Variants in SLC39A12 observed in about 807,000 individuals in gnomAD.
The protein encoded by SLC39A12 is solute carrier family 39 member 12.
Under a neutral mutation model 71.1 loss-of-function variants are expected in SLC39A12, and 63 were observed. That is an observed-to-expected ratio of 0.89 (90% confidence interval 0.72 to 1.09). SLC39A12 has a LOEUF of 1.09. Among genes scored for constraint, SLC39A12 ranks in the 50% least tolerant of loss-of-function variants. The pLI, the probability that SLC39A12 is intolerant of heterozygous loss-of-function variation, is 0.00. For synonymous variants in SLC39A12, 351 were observed against 301.3 expected (o/e 1.16, Z -1.71); for missense variants, 892 against 812.6 (o/e 1.10, Z -1.19).
chr10:18,014,816 T>C (rs1836330238), intron 12 of SLC39A12, among the ~76,000 whole-genome samples: 1 of 152,220 alleles, frequency 6.6e-6, no homozygotes. Context: ...CTGCCTTGCT[T>C]GTTAGGACTA....
chr10:18,042,463 G>A (rs796202092), intron 12 of SLC39A12, among the ~76,000 whole-genome samples: 9,054 of 114,162 alleles, frequency 0.079, 47 homozygotes, highest in South Asian at 0.14. Flanking sequence ...TGCCTCAAAA[G>A]AAAAAAAAAA....
At position 17,953,120 on chromosome 10, in the gene SLC39A12, C is replaced by T. The variant is rs115983091; in HGVS notation, c.-86-71C>T. On this transcript the variant is annotated intron_variant, in intron 1 of 12. Coordinates refer to ENST00000377369, the MANE Select transcript of SLC39A12 (RefSeq NM_001145195.2). Reference sequence around the variant, plus strand: ...GTCATTGCAAATCAGCTTAGCCACCCAATTAATGAATCCTTTCAAACATGT... The same window carrying T: ...GTCATTGCAAATCAGCTTAGCCACCTAATTAATGAATCCTTTCAAACATGT... 8.4e-4 allele frequency: 794 copies of T among 943,660 alleles called. 8 individuals are homozygous for T. In the African/African-American group the frequency reaches 0.012, roughly 14 times the overall value. 58.5% of individuals were successfully genotyped at this position (943,660 alleles called of 1,614,324 possible). A position where few individuals can be genotyped will look rare whatever the true frequency, so the allele number is the denominator to read the frequency against.
intron 4 of SLC39A12, among the ~76,000 whole-genome samples, chr10:17,976,775 G>A (rs692570): frequency 0.044 from 6,704 of 152,186 alleles, 254 homozygotes; most frequent in Admixed American, 0.12. Flanking sequence ...GTGTCTGGGT[G>A]TGAATCTTTT....
At chr10:18,028,317 C>A (rs774796263) in intron 12 of SLC39A12, among the ~76,000 whole-genome samples, 1 of 152,190 alleles carries the variant, frequency 6.6e-6, no homozygotes, top group African/African-American at 2.4e-5. Flanking sequence ...ATCTTGGAAG[C>A]ATTGGAGGCT....
In SLC39A12 at chr10:17,993,178, C is replaced by T. The variant is rs1266698510; in HGVS notation, c.1423-3C>T. 1.3e-6 allele frequency: 2 copies of T among 1,547,702 alleles called. No homozygotes were observed. The highest frequency in any genetic ancestry group is 1.4e-5 in the African/African-American group (1 of 72,954). On this transcript the variant is annotated splice_region_variant and splice_polypyrimidine_tract_variant and intron_variant, in intron 8 of 12. Transcript: ENST00000377369. ...ACACTAATTTTAAACCATCCTCATCCAGCAGGGCCTGTCATTGGTTAATGG... is the reference window on the plus strand; with the variant it reads ...ACACTAATTTTAAACCATCCTCATCTAGCAGGGCCTGTCATTGGTTAATGG...
At chr10:18,035,771 T>C (rs1373958808) in intron 12 of SLC39A12, among the ~76,000 whole-genome samples, 1 of 152,202 alleles carries the variant, frequency 6.6e-6, no homozygotes, top group Non-Finnish European at 1.5e-5. Context: ...TTCCCCATCT[T>C]TGTGGTTTTA....
At chr10:18,014,316 C>A in intron 12 of SLC39A12, among the ~76,000 whole-genome samples, 1 of 151,928 alleles carries the variant, frequency 6.6e-6, no homozygotes, top group East Asian at 1.9e-4. Flanking sequence ...TTCAACTTTG[C>A]TAAATTTATA....
At chr10:17,968,911 G>A (rs1172772562) in intron 4 of SLC39A12, among the ~76,000 whole-genome samples, 1 of 151,924 alleles carries the variant, frequency 6.6e-6, no homozygotes, top group Admixed American at 6.6e-5. Context: ...AATTAATTTT[G>A]TTATACCCAT....
Position 17,987,495 on chromosome 10 carries a change from G to A in SLC39A12, c.1113G>A (p.Thr371=), listed in dbSNP as rs762388599. ...TTGACTTAGAATACGGCTACAGCAC[G>A]GTGGCTGTCACCCTTCTCACACTGG... The part of the protein sequence containing the change: ...PTTLEKYGYS[T]VAVTLLTLGS... The change falls in exon 7 of 13, where the codon ACG becomes ACA. Residue 371 remains threonine, a synonymous_variant. Transcript: ENST00000377369. 2.5e-5 allele frequency: 40 copies of A among 1,613,802 alleles called. No individual in the cohort carries two copies. The highest frequency in any genetic ancestry group is 6.7e-5 in the African/African-American group (5 of 74,922).
rs376852557 is a variant in SLC39A12 at position 18,030,002 on chromosome 10, C to T, written c.1948-12703C>T. On this transcript the variant is annotated intron_variant, in intron 12 of 12. Transcript: ENST00000377369. ...GCTGTTGGAAAGACTTTCTGTAGGA[C>T]TCTCTGGTATTTGGTATCCAAGAGA... 4.6e-5 allele frequency among the ~76,000 whole-genome samples: 7 copies of T among 151,264 alleles called. 1 individual carries two copies. Among genetic ancestry groups the T allele is most frequent in the African/African-American group, 1.7e-4 (7 of 41,252 alleles).
At chr10:17,978,728 A>C (rs971895786) in intron 5 of SLC39A12, among the ~76,000 whole-genome samples, 31 of 152,252 alleles carry the variant, frequency 2.0e-4, no homozygotes, top group African/African-American at 7.5e-4. Context: ...TGCAAAACAC[A>C]CACAACAACC....
intron 6 of SLC39A12, among the ~76,000 whole-genome samples, chr10:17,983,123 A>G (rs1305234677): frequency 7.3e-6 from 1 of 136,308 alleles, no homozygotes; most frequent in South Asian, 2.6e-4. Context: ...AGCCGAGGTC[A>G]GCACCACTGC....
intron 9 of SLC39A12, among the ~76,000 whole-genome samples, chr10:17,993,760 T>G (rs1430779016): frequency 6.6e-6 from 1 of 152,246 alleles, no homozygotes; most frequent in Non-Finnish European, 1.5e-5. Context: ...TGTGCCTTTA[T>G]TCTACTAAAT....
chr10:17,973,330 G>GT (rs1330345458), intron 4 of SLC39A12, among the ~76,000 whole-genome samples: 3 of 152,146 alleles, frequency 2.0e-5, no homozygotes, highest in East Asian at 3.9e-4. Flanking sequence ...TTACTAGTGA[G>GT]TTTTTTACCT....
chr10:18,036,712 T>C (rs1224238175), intron 12 of SLC39A12, among the ~76,000 whole-genome samples: 3 of 146,698 alleles, frequency 2.0e-5, no homozygotes, highest in African/African-American at 5.0e-5. Context: ...CTAATAACTA[T>C]ATCATTGGCA....
At chr10:18,038,315 A>C (rs1327175208) in intron 12 of SLC39A12, among the ~76,000 whole-genome samples, 2 of 152,142 alleles carry the variant, frequency 1.3e-5, no homozygotes, top group Non-Finnish European at 2.9e-5. Flanking sequence ...TCCTCCAAGC[A>C]AGCAGCAGGT....
At chr10:17,972,494 T>C (rs891427625) in intron 4 of SLC39A12, among the ~76,000 whole-genome samples, 1 of 152,188 alleles carries the variant, frequency 6.6e-6, no homozygotes, top group African/African-American at 2.4e-5. Context: ...TAACAATATT[T>C]GCTTTATGTA....
intron 3 of SLC39A12, among the ~76,000 whole-genome samples, chr10:17,962,908 C>A (rs2130781229): frequency 6.6e-6 from 1 of 152,220 alleles, no homozygotes; most frequent in Middle Eastern, 3.4e-3. Context: ...ATAATCCCAA[C>A]ACTTTGGGAG....
At chr10:17,961,455 G>A in intron 2 of SLC39A12, 126 bp from the exon 3 acceptor site, 1 of 898,588 alleles carries the variant, frequency 1.1e-6, no homozygotes, top group Non-Finnish European at 1.7e-6. Context: ...CTGGCTATTG[G>A]TCCTGCCTGC....
Sources: gnomAD v4.1 joint callset for allele counts (sites outside exome capture counted in the v4.1 genomes callset) on GRCh38, gnomAD v4.1.1 for gene constraint, MANE v1.5 for transcripts, NCBI Gene and HGNC (gene_info 2026-07-23, HGNC 2026-07-21) for gene names.